Variants in TMEM108 observed in about 807,000 individuals in gnomAD.
TMEM108 encodes transmembrane protein 108.
Under a neutral mutation model 35.1 loss-of-function variants are expected in TMEM108, and 12 were observed. That is an observed-to-expected ratio of 0.34 (90% CI 0.22 to 0.55). TMEM108 has a LOEUF of 0.55. TMEM108 is among the 20% of genes least tolerant of loss of function. TMEM108 has a pLI of 0.89. For missense variants in TMEM108, 680 were observed against 753.3 expected, an observed-to-expected ratio of 0.90 and a Z score of 1.14; for synonymous variants, 287 against 308.6, an observed-to-expected ratio of 0.93 and a Z score of 0.73.
intron 3 of TMEM108, among the ~76,000 whole-genome samples, chr3:133,379,186 G>C (rs921372390): frequency 6.6e-6 from 1 of 152,192 alleles, no homozygotes; most frequent in African/African-American, 2.4e-5. Context: ...TAATTGTTTG[G>C]CGAATGGTCC....
At chr3:133,057,431 GTGTGTATATA>G (rs1402736245) in intron 2 of TMEM108, among the ~76,000 whole-genome samples, 108 of 42,298 alleles carry the variant, frequency 2.6e-3, no homozygotes, top group African/African-American at 8.9e-3. Flanking sequence ...TTGTGTGTGT[GTGTGTATATA>G]TATATATATA....
chr3:133,372,069 A>G (rs1286905096), intron 3 of TMEM108, among the ~76,000 whole-genome samples: 3 of 152,244 alleles, frequency 2.0e-5, no homozygotes, highest in African/African-American at 7.2e-5. Context: ...ACCAAGTTGA[A>G]TCAAATGACT....
chr3:133,120,909 T>C (rs1289131078), intron 2 of TMEM108: 2 of 152,220 alleles, frequency 1.3e-5, no homozygotes, highest in African/African-American at 4.8e-5. Flanking sequence ...CAAGGATATA[T>C]TTGTGTAACA....
chr3:133,287,341 G>A (rs1192933270), intron 3 of TMEM108, among the ~76,000 whole-genome samples: 1 of 152,184 alleles, frequency 6.6e-6, no homozygotes, highest in Non-Finnish European at 1.5e-5. Context: ...TATTAACCCA[G>A]TAAAAACTGG....
chr3:133,230,060 C>T (rs1040461834), intron 3 of TMEM108, among the ~76,000 whole-genome samples: 9 of 152,192 alleles, frequency 5.9e-5, no homozygotes, highest in African/African-American at 1.7e-4. Flanking sequence ...CCAGTTAACC[C>T]ACTTAAGACA....
intron 2 of TMEM108, among the ~76,000 whole-genome samples, chr3:133,167,146 TAG>T (rs1173491978): frequency 7.2e-5 from 11 of 152,074 alleles, no homozygotes; most frequent in Admixed American, 7.2e-4. Flanking sequence ...CTAGATTAGC[TAG>T]AGAGAGCACT....
intron 3 of TMEM108, among the ~76,000 whole-genome samples, chr3:133,369,017 A>G (rs1262656035): frequency 1.3e-5 from 2 of 152,236 alleles, no homozygotes; most frequent in African/African-American, 4.8e-5. Flanking sequence ...GCACATAGGC[A>G]TTATTTTCCT....
chr3:133,371,853 T>C lies in TMEM108; in HGVS notation c.41-7899T>C, dbSNP rs558230541. On this transcript the variant is annotated intron_variant, in intron 3 of 5. Transcript: ENST00000321871. ...AGGTGCTAGACTAGATATGGGCATA[T>C]AACATGGAATCAGACATGGTCCCAG... Among the ~76,000 whole-genome samples the C allele has an allele frequency of 8.5e-5, 13 of 152,254 alleles. No individual in the cohort carries two copies. In the East Asian group the frequency reaches 2.5e-3, roughly 29 times the overall value.
chr3:133,338,234 C>T (rs927873676), intron 3 of TMEM108, among the ~76,000 whole-genome samples: 3 of 151,608 alleles, frequency 2.0e-5, no homozygotes, highest in African/African-American at 4.9e-5. Flanking sequence ...CAGATATAAC[C>T]CAAAGAAAGC....
In TMEM108 at chr3:133,380,181, C is replaced by A. The variant is rs376720769; in HGVS notation, c.470C>A (p.Pro157His). The change falls in exon 4 of 6, where the codon CCC becomes CAC. Residue 157 changes from proline to histidine, a missense_variant. By Grantham distance (77) the Pro-to-His change is moderately conservative (BLOSUM62 -2). Coordinates refer to ENST00000321871, the MANE Select transcript of TMEM108 (RefSeq NM_023943.4). The surrounding 1 kb of genome is among the most constrained non-coding windows in gnomAD (Gnocchi z 5.3). ...GCCACCAGCCGCCCCACCACAGCGC[C>A]CCCCCGCACTACCACACGCAGGCCC... is the stretch of plus-strand genomic sequence containing the variant. ...PGATSRPTTA[P>H]PRTTTRRPPR... is the part of the protein sequence containing the mutation. The A allele has an allele frequency of 4.1e-4, 662 of 1,612,030 alleles. No individual in the cohort carries two copies. The Middle Eastern group carries it at 5.1e-3, about 12-fold the overall frequency.
chr3:133,313,201 ATTTT>A lies in TMEM108; in HGVS notation c.41-66540_41-66537del, dbSNP rs556757614. 9.0e-5 allele frequency among the ~76,000 whole-genome samples: 13 copies of A among 144,842 alleles called. No individual in the cohort carries two copies. In the East Asian group the frequency reaches 2.4e-3, roughly 27 times the overall value. On this transcript the variant is annotated intron_variant, in intron 3 of 5. Transcript: ENST00000321871. The stretch of plus-strand genomic sequence containing the variant: ...TAATTTCTGCAAATACATATATATA[ATTTT>A]TTTTTTTTTTGAGATGGAGTCTCTC...
chr3:133,276,167 A>G (rs1238688276), intron 3 of TMEM108, among the ~76,000 whole-genome samples: 1 of 152,244 alleles, frequency 6.6e-6, no homozygotes, highest in Non-Finnish European at 1.5e-5. Flanking sequence ...AAGTGTAAAC[A>G]TGTCCCATAC....
At chr3:133,060,010 C>T (rs1350802789) in intron 2 of TMEM108, among the ~76,000 whole-genome samples, 1 of 152,270 alleles carries the variant, frequency 6.6e-6, no homozygotes, top group East Asian at 1.9e-4. Flanking sequence ...TTAAGCACAT[C>T]GTAGAGGTCA....
intron 3 of TMEM108, among the ~76,000 whole-genome samples, chr3:133,352,212 T>C (rs1016719608): frequency 6.6e-6 from 1 of 152,134 alleles, no homozygotes; most frequent in Non-Finnish European, 1.5e-5. Context: ...TACATGCCCA[T>C]GTGTGATAGG....
chr3:133,107,884 C>G (rs147164127), intron 2 of TMEM108, among the ~76,000 whole-genome samples: 1,733 of 152,254 alleles, frequency 0.011, 8 homozygotes, highest in Non-Finnish European at 0.018. Context: ...TAAAGTGGCT[C>G]CACATCTTTG....
At chr3:133,238,682 A>C (rs1355769883) in intron 3 of TMEM108, among the ~76,000 whole-genome samples, 1 of 152,184 alleles carries the variant, frequency 6.6e-6, no homozygotes, top group African/African-American at 2.4e-5. Context: ...GGTCATCTCT[A>C]GCTGAAGCTG....
intron 2 of TMEM108, among the ~76,000 whole-genome samples, chr3:133,110,268 C>T (rs1209880744): frequency 6.6e-6 from 1 of 152,118 alleles, no homozygotes; most frequent in African/African-American, 2.4e-5. Flanking sequence ...AGAAGGTCAC[C>T]AGGTACAGCA....
intron 2 of TMEM108, among the ~76,000 whole-genome samples, chr3:133,164,817 G>T (rs1396486958): frequency 1.3e-5 from 2 of 152,066 alleles, no homozygotes; most frequent in Non-Finnish European, 2.9e-5. Context: ...CACAAGAGAG[G>T]TCTCATTTTT....
At position 133,382,477 on chromosome 3, in the gene TMEM108, T is replaced by G. The variant is rs145829687; in HGVS notation, c.1450+1316T>G. 3.0e-3 allele frequency among the ~76,000 whole-genome samples: 454 copies of G among 152,362 alleles called. 8 individuals carry two copies. The highest frequency in any genetic ancestry group is 0.01 in the African/African-American group (427 of 41,594). ...GCATTGCCTGGGCCTGTCTCCCATCTGCCCCCTCTGGGGTAGCTTCTGCTT... is the reference window on the plus strand; with the variant it reads ...GCATTGCCTGGGCCTGTCTCCCATCGGCCCCCTCTGGGGTAGCTTCTGCTT... On this transcript the variant is annotated intron_variant, in intron 4 of 5. Coordinates refer to ENST00000321871, the MANE Select transcript of TMEM108 (RefSeq NM_023943.4).
Sources: gnomAD v4.1 joint callset for allele counts (sites outside exome capture counted in the v4.1 genomes callset) on GRCh38, gnomAD v4.1.1 for gene constraint, Gnocchi (gnomAD v3.1) non-coding constraint, MANE v1.5 for transcripts, NCBI Gene and HGNC (gene_info 2026-07-23, HGNC 2026-07-21) for gene names.